CHD1L: variants seen among roughly 807,000 people sequenced by gnomAD.
CHD1L encodes the protein ATP-dependent chromatin remodeler CHD1L.
In CHD1L, 118 loss-of-function variants were observed where a neutral mutation model predicts 115.9. The ratio of observed to expected loss-of-function variants is 1.02; its 90% confidence interval spans 0.88 to 1.19. CHD1L has a LOEUF of 1.19. Ranked by LOEUF, CHD1L falls within the 50% of genes most tolerant of loss-of-function variation. The probability of loss-of-function intolerance (pLI) is 0.00; values close to 1 mark genes in which losing one functional copy is unlikely to be tolerated. For synonymous variants in CHD1L, 411 were observed against 387.1 expected (o/e 1.06, Z -0.72); for missense variants, 1,179 against 1,065.3 (o/e 1.11, Z -1.49).
At chr1:147,245,696 CT>C (rs11350539) in intron 1 of CHD1L, among the ~76,000 whole-genome samples, 6 of 147,236 alleles carry the variant, frequency 4.1e-5, no homozygotes, top group Admixed American at 1.3e-4. Flanking sequence ...GAAAATTCAA[CT>C]TTTTTTTTTT....
the CHD1L span, among the ~76,000 whole-genome samples, chr1:147,236,156 C>T: frequency 6.6e-6 from 1 of 152,168 alleles, no homozygotes; most frequent in African/African-American, 2.4e-5. Flanking sequence ...AGGGGTGCCA[C>T]AAGCAGATTT....
the CHD1L span, among the ~76,000 whole-genome samples, chr1:147,185,063 G>T: frequency 1.3e-5 from 2 of 152,036 alleles, no homozygotes; most frequent in African/African-American, 4.8e-5. Context: ...GTAAATTGAT[G>T]AATATTATTA....
chr1:147,291,409 G>C, intron 19 of CHD1L, 73 bp from the exon 20 acceptor site: 1 of 1,273,892 alleles, frequency 7.8e-7, no homozygotes, highest in Non-Finnish European at 1.1e-6. Context: ...TTTGAAGAAG[G>C]CGAGATACGA....
the CHD1L span, chr1:147,203,647 T>C: frequency 7.4e-7 from 1 of 1,360,290 alleles, no homozygotes; most frequent in Non-Finnish European, 1.1e-6. Context: ...GTCCAGGACA[T>C]GTCTCTCCAT....
At chr1:147,233,948 C>G in the CHD1L span, among the ~76,000 whole-genome samples, 1 of 152,098 alleles carries the variant, frequency 6.6e-6, no homozygotes, top group Non-Finnish European at 1.5e-5. Context: ...CCCAGGGACA[C>G]AAACACTGCG....
chr1:147,255,236 GTTTGTTTT>G (rs1443532129), intron 3 of CHD1L, among the ~76,000 whole-genome samples: 2 of 152,052 alleles, frequency 1.3e-5, no homozygotes, highest in African/African-American at 4.8e-5. Context: ...TTTTTTGTTT[GTTTGTTTT>G]GAGACAGAGT....
At chr1:147,278,515 G>A (rs587666251) in intron 14 of CHD1L, among the ~76,000 whole-genome samples, 23 of 50,486 alleles carry the variant, frequency 4.6e-4, no homozygotes, top group African/African-American at 1.4e-3. Context: ...GAGCCACTGC[G>A]CCTGGGGGTA....
At position 147,268,886 on chromosome 1, in the gene CHD1L, G is replaced by A; in HGVS notation, c.1085+8G>A. ...AGCATTCCTGTATTCTGGGTAGGTG[G>A]TAGGTTCACATTTGCTGCTCTGAGC... On this transcript the variant is annotated splice_region_variant and intron_variant, in intron 10 of 22. Transcript: ENST00000369258. 3 of 1,606,548 alleles carry A rather than the reference G, an allele frequency of 1.9e-6. No homozygotes were observed. Among genetic ancestry groups the A allele is most frequent in the Non-Finnish European group, 2.6e-6 (3 of 1,173,872 alleles).
chr1:147,203,253 A>G, the CHD1L span: 14 of 1,350,652 alleles, frequency 1.0e-5, no homozygotes, highest in East Asian at 2.5e-4. Context: ...GCCTTCACCT[A>G]CAGTAAAAAT....
the CHD1L span, among the ~76,000 whole-genome samples, chr1:147,177,472 A>G: frequency 6.6e-6 from 1 of 152,176 alleles, no homozygotes; most frequent in Non-Finnish European, 1.5e-5. Flanking sequence ...TCTCCACCCC[A>G]TAAGCATGAG....
chr1:147,258,748 T>A (rs1416105053), intron 5 of CHD1L: 1 of 152,202 alleles, frequency 6.6e-6, no homozygotes, highest in Non-Finnish European at 1.5e-5. Context: ...CTTTCTCTAA[T>A]TTTGGAGGAA....
chr1:147,235,698 GGAA>G, the CHD1L span, among the ~76,000 whole-genome samples: 11 of 152,286 alleles, frequency 7.2e-5, no homozygotes, highest in South Asian at 2.1e-3. Flanking sequence ...GTCAATCAGA[GGAA>G]GAAGAAGGTC....
At chr1:147,278,537 T>TTC (rs1679554298) in intron 14 of CHD1L, among the ~76,000 whole-genome samples, 16 of 151,182 alleles carry the variant, frequency 1.1e-4, no homozygotes, top group African/African-American at 3.9e-4. Flanking sequence ...TTTTTTTTTT[T>TTC]TAAATACCAA....
the CHD1L span, chr1:147,179,227 G>C: frequency 6.2e-7 from 1 of 1,613,630 alleles, no homozygotes; most frequent in African/African-American, 1.3e-5. Flanking sequence ...ACCTATCCCA[G>C]AGAGCAATGA....
intron 19 of CHD1L, among the ~76,000 whole-genome samples, chr1:147,290,161 C>G (rs1553969135): frequency 6.6e-6 from 1 of 152,138 alleles, no homozygotes; most frequent in East Asian, 1.9e-4. Flanking sequence ...TGGCTCACTG[C>G]AATATCCACC....
chr1:147,191,212 T>C, the CHD1L span, among the ~76,000 whole-genome samples: 1 of 152,098 alleles, frequency 6.6e-6, no homozygotes, highest in Admixed American at 6.5e-5. Context: ...AATGGGATGG[T>C]TGGGTCAAAT....
chr1:147,295,629 CTGAG>C lies in CHD1L; in HGVS notation c.*122_*125del. 2.7e-6 allele frequency: 2 copies of C among 737,526 alleles called. No homozygotes were observed. The highest frequency in any genetic ancestry group is 2.1e-6 in the Non-Finnish European group (1 of 466,998). 45.7% of individuals were successfully genotyped at this position (737,526 alleles called of 1,614,324 possible). A position where few individuals can be genotyped will look rare whatever the true frequency, so the allele number is the denominator to read the frequency against. ...GTGGGCCTCAGAAATTGTCTCTTTT[CTGAG>C]TTTCAGTTTGGTTCTCCTGGATGTT... On this transcript the variant is annotated 3_prime_UTR_variant, in exon 23 of 23. Coordinates refer to ENST00000369258, the MANE Select transcript of CHD1L (RefSeq NM_004284.6).
chr1:147,207,631 A>T, the CHD1L span, among the ~76,000 whole-genome samples: 1 of 152,164 alleles, frequency 6.6e-6, no homozygotes, highest in African/African-American at 2.4e-5. Context: ...CTCAGTTTTT[A>T]TATTTGTAAA....
At chr1:147,246,562 G>GC (rs1666686424) in intron 1 of CHD1L, among the ~76,000 whole-genome samples, 1 of 152,132 alleles carries the variant, frequency 6.6e-6, no homozygotes, top group South Asian at 2.1e-4. Flanking sequence ...ATCCTTGCCA[G>GC]CATTTGATAT....
Sources: gnomAD v4.1 joint callset for allele counts (sites outside exome capture counted in the v4.1 genomes callset) on GRCh38, gnomAD v4.1.1 for gene constraint, MANE v1.5 for transcripts, NCBI Gene and HGNC (gene_info 2026-07-23, HGNC 2026-07-21) for gene names.